The following SRGAP3 variants were observed in gnomAD, a reference collection of about 807,000 sequenced individuals.
The protein encoded by SRGAP3 is SLIT-ROBO Rho GTPase activating protein 3.
SRGAP3 carries 39 observed loss-of-function variants against 121.1 expected under a neutral mutation model. The ratio of observed to expected loss-of-function variants is 0.32; its 90% CI spans 0.25 to 0.42. SRGAP3 has a LOEUF of 0.42. Ranked by LOEUF, SRGAP3 falls within the 10% of genes least tolerant of loss-of-function variation. SRGAP3 has a pLI of 1.00. For synonymous variants in SRGAP3, 601 were observed against 570.0 expected (o/e 1.05, Z -0.77); for missense variants, 1,213 against 1,470.6 (o/e 0.82, Z 2.86).
At chr3:9,107,570 G>A (rs78827787) in intron 2 of SRGAP3, among the ~76,000 whole-genome samples, 12 of 152,236 alleles carry the variant, frequency 7.9e-5, no homozygotes, top group South Asian at 4.1e-4. Context: ...AGAACACCCC[G>A]TTGACCACAC....
At chr3:9,092,778 G>A (rs1045804997) in intron 3 of SRGAP3, among the ~76,000 whole-genome samples, 8 of 152,100 alleles carry the variant, frequency 5.3e-5, no homozygotes, top group East Asian at 3.8e-4. Context: ...ACAGTGCCCC[G>A]TGCCATTTTG....
chr3:9,152,995 C>G (rs1321439151), intron 1 of SRGAP3, among the ~76,000 whole-genome samples: 1 of 152,242 alleles, frequency 6.6e-6, no homozygotes, highest in Non-Finnish European at 1.5e-5. Flanking sequence ...CTGGCTTCCA[C>G]AGTCGTTGAT....
intron 1 of SRGAP3, among the ~76,000 whole-genome samples, chr3:9,129,042 G>A (rs1575116505): frequency 6.6e-6 from 1 of 152,258 alleles, no homozygotes; most frequent in Non-Finnish European, 1.5e-5. Context: ...TCAAAGTGAG[G>A]CTTCAATAAA....
At chr3:9,344,668 C>G in intron 1 of SRGAP3, among the ~76,000 whole-genome samples, 1 of 151,592 alleles carries the variant, frequency 6.6e-6, no homozygotes. Flanking sequence ...AGAAAGAAAA[C>G]AGGAGATTTT....
At chr3:9,123,396 CAATACACATACAT>C (rs1451012754) in intron 2 of SRGAP3, among the ~76,000 whole-genome samples, 24 of 5,252 alleles carry the variant, frequency 4.6e-3, no homozygotes, top group Admixed American at 0.03. Context: ...TATACATACA[CAATACACATACAT>C]ACACATACAT....
intron 6 of SRGAP3, chr3:9,060,025 G>A: frequency 1.3e-6 from 1 of 755,460 alleles, no homozygotes; most frequent in Non-Finnish European, 2.1e-6. Flanking sequence ...AGAGGCCCAT[G>A]TCCCACTCGT....
chr3:9,288,133 T>TC (rs1954808533), intron 3 of SRGAP3, among the ~76,000 whole-genome samples: 1 of 150,150 alleles, frequency 6.7e-6, no homozygotes, highest in Admixed American at 6.6e-5. Context: ...TATCTTTGTT[T>TC]TTTTTTTTTT....
At chr3:9,353,974 C>T (rs2030343631) in intron 1 of SRGAP3, among the ~76,000 whole-genome samples, 1 of 152,128 alleles carries the variant, frequency 6.6e-6, no homozygotes, top group African/African-American at 2.4e-5. Context: ...GCCAATGAAA[C>T]CCTTGTCTCA....
intron 1 of SRGAP3, among the ~76,000 whole-genome samples, chr3:9,156,055 T>C (rs112319157): frequency 2.8e-4 from 42 of 152,364 alleles, no homozygotes; most frequent in African/African-American, 1.0e-3. Flanking sequence ...GACCTCGTGA[T>C]CCACCCGCCT....
At chr3:9,157,148 G>T (rs941132200) in intron 1 of SRGAP3, among the ~76,000 whole-genome samples, 2 of 152,142 alleles carry the variant, frequency 1.3e-5, no homozygotes, top group Admixed American at 6.5e-5. Context: ...TAATTGACTC[G>T]CAGTTGCACA....
intron 21 of SRGAP3, among the ~76,000 whole-genome samples, chr3:8,988,828 T>C (rs1941875097): frequency 6.6e-6 from 1 of 152,164 alleles, no homozygotes; most frequent in Admixed American, 6.5e-5. Context: ...ATCCCTCACA[T>C]GCGCAGTTCA....
chr3:9,061,473 T>C (rs933415546), intron 5 of SRGAP3, among the ~76,000 whole-genome samples: 4 of 152,190 alleles, frequency 2.6e-5, no homozygotes, highest in Non-Finnish European at 5.9e-5. Context: ...CAAGGCCAGA[T>C]TGGCTTTCGA....
At position 9,245,487 on chromosome 3, in the gene SRGAP3, T is replaced by A. The variant is rs78051701; in HGVS notation, c.67+3398A>T. On this transcript the variant is annotated intron_variant, in intron 1 of 21. Coordinates refer to ENST00000383836, the MANE Select transcript of SRGAP3 (RefSeq NM_014850.4). ...TCCTATTATATGAGGATAATCATTG[T>A]CAGGGGTTATATTCCCAGGCTCCAC... Among the ~76,000 whole-genome samples, 507 of 152,298 alleles carry A rather than the reference T, an allele frequency of 3.3e-3. 5 individuals carry two copies. The highest frequency in any genetic ancestry group is 5.7e-3 in the Non-Finnish European group (388 of 68,018).
chr3:9,196,455 T>C (rs965074371), intron 1 of SRGAP3, among the ~76,000 whole-genome samples: 1 of 152,252 alleles, frequency 6.6e-6, no homozygotes, highest in Admixed American at 6.5e-5. Context: ...TGTAAAAGAG[T>C]AAATACAGTA....
chr3:9,347,061 T>TG, intron 1 of SRGAP3, among the ~76,000 whole-genome samples: 1 of 152,266 alleles, frequency 6.6e-6, no homozygotes, highest in East Asian at 1.9e-4. Context: ...CCCAAAGTGC[T>TG]GGGATTATAG....
At chr3:8,991,380 C>CT (rs1419435018) in intron 20 of SRGAP3, among the ~76,000 whole-genome samples, 4 of 152,118 alleles carry the variant, frequency 2.6e-5, no homozygotes, top group African/African-American at 7.2e-5. Flanking sequence ...TTCTGCGAGG[C>CT]TTTTTTGGAT....
rs139830946 is a variant in SRGAP3 at position 9,138,766 on chromosome 3, A to G, written c.68-13849T>C. Among the ~76,000 whole-genome samples the G allele has an allele frequency of 2.4e-3, 368 of 152,370 alleles. 3 individuals carry two copies. The highest frequency in any genetic ancestry group is 8.1e-3 in the African/African-American group (337 of 41,592). ...CACAGTTTATTTAAAAGATTGCATG[A>G]AATTACCTTCAGGCTATGTGTAAAA... On this transcript the variant is annotated intron_variant, in intron 1 of 21. Transcript: ENST00000383836.
At chr3:9,338,958 C>A (rs1955735800) in intron 1 of SRGAP3, among the ~76,000 whole-genome samples, 1 of 152,198 alleles carries the variant, frequency 6.6e-6, no homozygotes, top group Non-Finnish European at 1.5e-5. Flanking sequence ...AAAAAACGTG[C>A]ATTCTTCTGG....
At chr3:9,036,841 A>C (rs1277124180) in intron 11 of SRGAP3, 1 of 152,228 alleles carries the variant, frequency 6.6e-6, no homozygotes, top group African/African-American at 2.4e-5. Context: ...AAAAAAAATT[A>C]TAATGGGTTC....
Sources: gnomAD v4.1 joint callset for allele counts (sites outside exome capture counted in the v4.1 genomes callset) on GRCh38, gnomAD v4.1.1 for gene constraint, MANE v1.5 for transcripts, NCBI Gene and HGNC (gene_info 2026-07-23, HGNC 2026-07-21) for gene names.